Variants in HCFC2 observed in about 807,000 individuals in gnomAD.
HCFC2 encodes host cell factor 2.
Under a neutral mutation model 89.2 loss-of-function variants are expected in HCFC2, and 18 were observed. That is an observed-to-expected ratio of 0.20 (90% CI 0.14 to 0.30). The LOEUF is 0.30. HCFC2 is among the 10% of genes least tolerant of loss of function. The pLI is 1.00. For synonymous variants in HCFC2, 308 were observed against 335.7 expected, an observed-to-expected ratio of 0.92 and a Z score of 0.90; for missense variants, 578 against 956.1, an observed-to-expected ratio of 0.60 and a Z score of 5.21.
At chr12:104,102,824 A>G (rs2136631634) in intron 14 of HCFC2, 135 bp from the exon 15 acceptor site, 1 of 744,156 alleles carries the variant, frequency 1.3e-6, no homozygotes, top group Non-Finnish European at 2.1e-6. Flanking sequence ...AAAATCAACA[A>G]TAAAAGATGT....
intron 4 of HCFC2, 142 bp from the exon 5 acceptor site, chr12:104,080,604 G>A (rs1883655770): frequency 2.0e-6 from 1 of 494,820 alleles, no homozygotes; most frequent in Admixed American, 3.9e-5. Flanking sequence ...AGCTGGAAAT[G>A]TTTAAGATAA....
chr12:104,072,464 A>G (rs1047751228), intron 3 of HCFC2, among the ~76,000 whole-genome samples: 7 of 152,112 alleles, frequency 4.6e-5, no homozygotes, highest in Admixed American at 6.5e-5. Flanking sequence ...GAGAATCACC[A>G]TCTTAATAAT....
At chr12:104,082,473 T>A (rs376231230) in intron 5 of HCFC2, 27 bp from the exon 6 acceptor site, 37 of 1,378,198 alleles carry the variant, frequency 2.7e-5, no homozygotes, top group Admixed American at 3.4e-5. Context: ...ATAAGCTACT[T>A]TATGTTTTTG....
chr12:104,093,507 C>T lies in HCFC2; in HGVS notation c.1406C>T (p.Ala469Val). Residue 469 changes from alanine to valine, a missense_variant, in exon 10 of 15, where the codon GCA (alanine) becomes GTA (valine). Ala to Val is a moderately conservative substitution (Grantham distance 64, BLOSUM62 0). Coordinates refer to ENST00000229330, the MANE Select transcript of HCFC2 (RefSeq NM_013320.3). ...DSNAILYPSL[A>V]SNASNHNSHV... Reference sequence around the variant, plus strand: ...AATGCCATTTTATATCCATCTTTGGCATCAAATGCTTCTAATCATAATAGT... The same window carrying T: ...AATGCCATTTTATATCCATCTTTGGTATCAAATGCTTCTAATCATAATAGT... 7 of 1,612,984 alleles carry T rather than the reference C, an allele frequency of 4.3e-6. No homozygotes were observed. The highest frequency in any genetic ancestry group is 5.1e-6 in the Non-Finnish European group (6 of 1,179,296).
intron 3 of HCFC2, 31 bp from the exon 4 acceptor site, chr12:104,079,414 G>A: frequency 6.7e-7 from 1 of 1,485,306 alleles, no homozygotes; most frequent in Non-Finnish European, 9.3e-7. Flanking sequence ...TATATTATCT[G>A]AATGTTTTAA....
At chr12:104,101,255 A>G (rs1408339535) in intron 13 of HCFC2, among the ~76,000 whole-genome samples, 1 of 152,162 alleles carries the variant, frequency 6.6e-6, no homozygotes, top group African/African-American at 2.4e-5. Flanking sequence ...AGGCCGACGC[A>G]GGTGGATCAC....
At chr12:104,065,106 C>T in intron 1 of HCFC2, 1 of 167,014 alleles carries the variant, frequency 6.0e-6, no homozygotes, top group Non-Finnish European at 1.3e-5. Flanking sequence ...TCCTTAGGGC[C>T]TTTCCCGTCT....
chr12:104,076,190 C>T (rs1883490720), intron 3 of HCFC2, among the ~76,000 whole-genome samples: 1 of 152,166 alleles, frequency 6.6e-6, no homozygotes, highest in Non-Finnish European at 1.5e-5. Flanking sequence ...TGCTATGTTG[C>T]TCAGGCTGGA....
At chr12:104,078,290 C>T (rs912900285) in intron 3 of HCFC2, among the ~76,000 whole-genome samples, 6 of 152,150 alleles carry the variant, frequency 3.9e-5, no homozygotes, top group Non-Finnish European at 7.4e-5. Flanking sequence ...CGTGAGTCAC[C>T]GCGCCAGGCC....
chr12:104,085,236 G>A (rs1883798142), intron 7 of HCFC2, among the ~76,000 whole-genome samples: 1 of 152,052 alleles, frequency 6.6e-6, no homozygotes, highest in Non-Finnish European at 1.5e-5. Flanking sequence ...AGCATGTATT[G>A]TTTTTGTAAT....
chr12:104,088,442 G>A (rs1248711558), intron 9 of HCFC2, among the ~76,000 whole-genome samples: 1 of 152,152 alleles, frequency 6.6e-6, no homozygotes, highest in East Asian at 1.9e-4. Flanking sequence ...TTAAAAATAT[G>A]TATAAAATAT....
intron 8 of HCFC2, among the ~76,000 whole-genome samples, chr12:104,087,472 T>C (rs867773583): frequency 1.7e-5 from 2 of 118,936 alleles, no homozygotes; most frequent in East Asian, 2.6e-4. Flanking sequence ...TATACATATA[T>C]ATATATATAT....
At position 104,088,150 on chromosome 12, in the gene HCFC2, C is replaced by T. The variant is rs187737662; in HGVS notation, c.1284+112C>T. 6.5e-4 allele frequency: 338 copies of T among 516,110 alleles called. 1 individual carries two copies. The highest frequency in any genetic ancestry group is 1.0e-3 in the Non-Finnish European group (303 of 299,468). The allele number at this position is 516,110 out of a possible 1,614,324, so 32.0% of individuals were successfully genotyped here. A position where few individuals can be genotyped will look rare whatever the true frequency, so the allele number is the denominator to read the frequency against. On this transcript the variant is annotated intron_variant, in intron 9 of 14. Transcript: ENST00000229330. ...GAAGAGGGGTCCTTAATCCTGCCTG[C>T]ACTTGAGAGTTATCTCTGAGGTAAA...
Position 104,068,219 on chromosome 12 carries a change from A to G in HCFC2, c.473+112A>G, listed in dbSNP as rs146754749. On this transcript the variant is annotated intron_variant, in intron 3 of 14. Coordinates refer to ENST00000229330, the MANE Select transcript of HCFC2 (RefSeq NM_013320.3). The surrounding 1 kb of genome is among the most constrained non-coding windows in gnomAD (Gnocchi z 4.1). ...ATGATGCTTAGCTTTTTGCATTTCA[A>G]CCTAACAGTGGACAGATTTGTGTGT... 5.1e-4 allele frequency: 443 copies of G among 872,312 alleles called. 1 individual carries two copies. The highest frequency in any genetic ancestry group is 4.7e-3 in the African/African-American group (266 of 57,168). 54.0% of individuals were successfully genotyped at this position (872,312 alleles called of 1,614,324 possible).
At chr12:104,099,438 A>C (rs940496856) in intron 13 of HCFC2, among the ~76,000 whole-genome samples, 6 of 152,022 alleles carry the variant, frequency 3.9e-5, no homozygotes, top group Admixed American at 2.0e-4. Flanking sequence ...CAAGCATGTC[A>C]TTTAAAAAAT....
chr12:104,099,623 A>C (rs191849687), intron 13 of HCFC2, among the ~76,000 whole-genome samples: 151 of 152,206 alleles, frequency 9.9e-4, no homozygotes, highest in Admixed American at 1.8e-3. Flanking sequence ...AATTTAAAAA[A>C]AAAAAAAAAC....
At chr12:104,079,748 A>T (rs529734174) in intron 4 of HCFC2, 95 bp downstream of exon 4, 1 of 926,332 alleles carries the variant, frequency 1.1e-6, no homozygotes, top group Non-Finnish European at 1.7e-6. Flanking sequence ...TTGTACTTAG[A>T]TTTATAACCA....
chr12:104,074,041 C>G (rs141585717), intron 3 of HCFC2, among the ~76,000 whole-genome samples: 1 of 152,328 alleles, frequency 6.6e-6, no homozygotes, highest in East Asian at 1.9e-4. Flanking sequence ...GATTCCTGCT[C>G]TAGACTCTAT....
chr12:104,090,488 ATTTCT>A (rs1294695243), intron 9 of HCFC2, among the ~76,000 whole-genome samples: 2 of 146,258 alleles, frequency 1.4e-5, no homozygotes, highest in African/African-American at 2.5e-5. Context: ...TCTTCCCTCA[ATTTCT>A]TTTCTTTTTT....
Sources: allele counts gnomAD v4.1 joint callset (sites outside exome capture counted in the v4.1 genomes callset), GRCh38; gene constraint gnomAD v4.1.1; non-coding constraint Gnocchi (gnomAD v3.1); transcripts MANE v1.5; gene names NCBI Gene and HGNC (gene_info 2026-07-23, HGNC 2026-07-21).